C12orf42: variants seen among roughly 807,000 people sequenced by gnomAD.
C12orf42 encodes the protein chromosome 12 open reading frame 42.
A neutral mutation model predicts 21.6 loss-of-function variants in C12orf42; 25 were observed. That is an observed-to-expected ratio of 1.16 (90% CI 0.84 to 1.62). The LOEUF is 1.62. C12orf42 is among the 40% of genes most tolerant of loss of function. The pLI, the probability that C12orf42 is intolerant of heterozygous loss-of-function variation, is 0.00. For synonymous variants in C12orf42, 174 were observed against 175.0 expected, an observed-to-expected ratio of 0.99 and a Z score of 0.05; for missense variants, 483 against 459.3, an observed-to-expected ratio of 1.05 and a Z score of -0.47.
chr12:103,247,185 G>A (rs1163753956), intron 10 of C12orf42, among the ~76,000 whole-genome samples: 2 of 150,422 alleles, frequency 1.3e-5, no homozygotes, highest in Non-Finnish European at 3.0e-5. Flanking sequence ...CATGATCAAT[G>A]GTCTTCATCT....
chr12:103,053,654 A>G, the C12orf42 span, among the ~76,000 whole-genome samples: 1 of 151,944 alleles, frequency 6.6e-6, no homozygotes, highest in Non-Finnish European at 1.5e-5. Context: ...TGCGATGTTA[A>G]TCTAAAAACT....
the C12orf42 span, among the ~76,000 whole-genome samples, chr12:103,547,428 A>G: frequency 6.6e-6 from 1 of 152,232 alleles, no homozygotes; most frequent in Non-Finnish European, 1.5e-5. Context: ...CTGTACAAAT[A>G]CAATCTTCAA....
At chr12:103,311,644 T>C (rs946001980) in intron 4 of C12orf42, among the ~76,000 whole-genome samples, 8 of 152,216 alleles carry the variant, frequency 5.3e-5, no homozygotes, top group Non-Finnish European at 1.2e-4. Flanking sequence ...CCATTCTAGA[T>C]AGTGACAGAA....
chr12:103,055,045 CT>C, the C12orf42 span, among the ~76,000 whole-genome samples: 1 of 151,736 alleles, frequency 6.6e-6, no homozygotes, highest in East Asian at 1.9e-4. Flanking sequence ...TTTGTACAGG[CT>C]TTTTTCTGGT....
At chr12:103,284,743 T>C (rs2036338218) in intron 4 of C12orf42, among the ~76,000 whole-genome samples, 2 of 152,216 alleles carry the variant, frequency 1.3e-5, no homozygotes, top group Admixed American at 1.3e-4. Context: ...GGCGGCTCTA[T>C]GACAACTCAT....
At chr12:103,119,656 T>A in the C12orf42 span, among the ~76,000 whole-genome samples, 1 of 152,236 alleles carries the variant, frequency 6.6e-6, no homozygotes, top group Non-Finnish European at 1.5e-5. Context: ...TCTGACTTTT[T>A]AACCATTAAA....
At chr12:103,469,541 G>A (rs547554600) in intron 2 of C12orf42, among the ~76,000 whole-genome samples, 99 of 152,190 alleles carry the variant, frequency 6.5e-4, no homozygotes, top group African/African-American at 2.2e-3. Context: ...CTATTTGTAT[G>A]CACTGTAAGT....
chr12:103,161,359 A>G, the C12orf42 span: 1 of 144,976 alleles, frequency 6.9e-6, no homozygotes, highest in African/African-American at 2.7e-5. Context: ...AGTGCCTAGC[A>G]CTAGTTCTGC....
chr12:103,182,560 TTAATAAAGG>T, the C12orf42 span, among the ~76,000 whole-genome samples: 1,640 of 152,268 alleles, frequency 0.011, 26 homozygotes, highest in African/African-American at 0.037. Context: ...AAACAGTTAC[TTAATAAAGG>T]TAATAAAGGT....
At chr12:103,412,007 T>C (rs566101466) in intron 2 of C12orf42, among the ~76,000 whole-genome samples, 1 of 152,168 alleles carries the variant, frequency 6.6e-6, no homozygotes, top group Non-Finnish European at 1.5e-5. Context: ...CACTGGCAAC[T>C]AATTACAATG....
At chr12:103,551,968 C>T in the C12orf42 span, among the ~76,000 whole-genome samples, 1 of 152,120 alleles carries the variant, frequency 6.6e-6, no homozygotes, top group Admixed American at 6.5e-5. Context: ...CTTTTTTATC[C>T]AGTCATCATG....
the C12orf42 span, among the ~76,000 whole-genome samples, chr12:103,165,285 G>A: frequency 1.3e-5 from 2 of 152,172 alleles, no homozygotes; most frequent in African/African-American, 2.4e-5. Context: ...GTGGGAAACC[G>A]GGCAGGCACT....
chr12:103,071,947 A>T, the C12orf42 span, among the ~76,000 whole-genome samples: 1 of 152,152 alleles, frequency 6.6e-6, no homozygotes, highest in South Asian at 2.1e-4. Flanking sequence ...CCAGCTACGT[A>T]TCTCCCTTGT....
chr12:103,381,800 C>T (rs1235666285), intron 3 of C12orf42, among the ~76,000 whole-genome samples: 1 of 151,978 alleles, frequency 6.6e-6, no homozygotes, highest in East Asian at 1.9e-4. Context: ...GCTTTTAGTC[C>T]CAGCTACTCG....
the C12orf42 span, among the ~76,000 whole-genome samples, chr12:103,063,307 C>T: frequency 3.9e-5 from 6 of 152,128 alleles, no homozygotes; most frequent in Non-Finnish European, 8.8e-5. Flanking sequence ...GAAAAACAGA[C>T]ATAAGCTCTT....
intron 2 of C12orf42, among the ~76,000 whole-genome samples, chr12:103,430,798 A>T (rs1432150277): frequency 6.6e-6 from 1 of 152,168 alleles, no homozygotes; most frequent in Non-Finnish European, 1.5e-5. Context: ...AAGGAATGAG[A>T]TTGTTTCCTT....
At chr12:103,556,845 A>G in the C12orf42 span, among the ~76,000 whole-genome samples, 2 of 151,606 alleles carry the variant, frequency 1.3e-5, no homozygotes, top group Middle Eastern at 3.4e-3. Context: ...TCCAATGGTA[A>G]GTGTCCTTAG....
chr12:103,409,094 C>T (rs2048635905), intron 2 of C12orf42, among the ~76,000 whole-genome samples: 1 of 152,108 alleles, frequency 6.6e-6, no homozygotes, highest in Non-Finnish European at 1.5e-5. Context: ...TAGGAACCCG[C>T]CAGTCTAGTC....
chr12:103,116,257 G>A, the C12orf42 span, among the ~76,000 whole-genome samples: 1 of 151,650 alleles, frequency 6.6e-6, no homozygotes, highest in African/African-American at 2.4e-5. Context: ...CCAGCTACTC[G>A]GGAGGCTGAG....
Sources: gnomAD v4.1 joint callset for allele counts (sites outside exome capture counted in the v4.1 genomes callset) on GRCh38, gnomAD v4.1.1 for gene constraint, MANE v1.5 for transcripts, NCBI Gene and HGNC (gene_info 2026-07-23, HGNC 2026-07-21) for gene names.